The following CFAP300 variants were observed in gnomAD, a reference collection of about 807,000 sequenced individuals.
The protein encoded by CFAP300 is cilia- and flagella-associated protein 300.
Under a neutral mutation model 33.0 loss-of-function variants are expected in CFAP300, and 32 were observed. That is an observed-to-expected ratio of 0.97 (90% CI 0.73 to 1.30). The LOEUF is 1.30. CFAP300 is among the 50% of genes most tolerant of loss of function. The pLI is 0.00. For synonymous variants in CFAP300, 102 were observed against 106.8 expected (o/e 0.95, Z 0.28); for missense variants, 356 against 318.1 (o/e 1.12, Z -0.90).
At chr11:102,059,596 C>T (rs2135024377) in intron 3 of CFAP300, among the ~76,000 whole-genome samples, 2 of 152,114 alleles carry the variant, frequency 1.3e-5, no homozygotes, top group East Asian at 1.9e-4. Flanking sequence ...TTGCCGTGAG[C>T]TGAGATTGTG....
intron 6 of CFAP300, 37 bp downstream of exon 6, chr11:102,081,318 A>G: frequency 6.6e-7 from 1 of 1,513,640 alleles, no homozygotes; most frequent in South Asian, 1.1e-5. Context: ...AAAGAATTTA[A>G]TTACTTTTTA....
intron 4 of CFAP300, among the ~76,000 whole-genome samples, chr11:102,069,976 C>G (rs1003080571): frequency 1.3e-5 from 2 of 152,066 alleles, no homozygotes; most frequent in African/African-American, 4.8e-5. Context: ...CCTCCACCCC[C>G]CAAAAATTGC....
intron 3 of CFAP300, 56 bp downstream of exon 3, chr11:102,059,011 C>T: frequency 1.8e-6 from 2 of 1,083,954 alleles, no homozygotes; most frequent in Non-Finnish European, 2.6e-6. Context: ...GAAAATTTTG[C>T]CTCAGGAATT....
chr11:102,075,886 A>G lies in CFAP300; in HGVS notation c.449A>G (p.Glu150Gly). 1.9e-6 allele frequency: 3 copies of G among 1,610,358 alleles called. No individual in the cohort carries two copies. Among genetic ancestry groups the G allele is most frequent in the Non-Finnish European group, 2.5e-6 (3 of 1,178,732 alleles). The change falls in exon 5 of 7, where the codon GAA becomes GGA. Residue 150 changes from glutamate (E) to glycine (G), a missense_variant. By Grantham distance (98) the Glu-to-Gly change is moderately conservative (BLOSUM62 -2). Coordinates refer to ENST00000434758, the MANE Select transcript of CFAP300 (RefSeq NM_032930.3). ...TTATCGTCTTAGGTTTTGCTAGTGG[A>G]AGACTCAGAAAAATATGAAATATTC... The part of the protein sequence containing the change: ...SDELRRVLLV[E>G]DSEKYEIFSQ...
intron 4 of CFAP300, among the ~76,000 whole-genome samples, chr11:102,074,816 C>A (rs1942373144): frequency 6.6e-6 from 1 of 151,940 alleles, no homozygotes; most frequent in African/African-American, 2.4e-5. Context: ...AATCCTCCCA[C>A]CTCAACCTCC....
intron 2 of CFAP300, among the ~76,000 whole-genome samples, chr11:102,058,318 A>T (rs370449021): frequency 1.3e-5 from 2 of 151,866 alleles, no homozygotes; most frequent in East Asian, 3.9e-4. Flanking sequence ...CAGACTGACA[A>T]TATGCCGACA....
intron 3 of CFAP300, among the ~76,000 whole-genome samples, chr11:102,065,896 TA>T (rs1565393510): frequency 6.6e-6 from 1 of 152,168 alleles, no homozygotes; most frequent in African/African-American, 2.4e-5. Context: ...TACATTTTTT[TA>T]AAATGTATTT....
intron 2 of CFAP300, among the ~76,000 whole-genome samples, chr11:102,056,854 G>C (rs757753020): frequency 9.2e-5 from 14 of 151,664 alleles, no homozygotes; most frequent in Non-Finnish European, 1.5e-4. Context: ...TGAACTCCTG[G>C]CCTCAAGTGA....
chr11:102,055,138 G>A lies in CFAP300; in HGVS notation c.193-3742G>A, dbSNP rs146424400. 3.8e-3 allele frequency among the ~76,000 whole-genome samples: 580 copies of A among 151,278 alleles called. 3 individuals carry two copies. Among genetic ancestry groups the A allele is most frequent in the African/African-American group, 8.4e-3 (347 of 41,258 alleles). ...TGGGATTACAGGCACGTGCCACCAC[G>A]CCCAGCTAATTTTTGTATTTTTAGT... On this transcript the variant is annotated intron_variant, in intron 2 of 6. Coordinates refer to ENST00000434758, the MANE Select transcript of CFAP300 (RefSeq NM_032930.3).
At chr11:102,054,010 C>G (rs1195388414) in intron 2 of CFAP300, among the ~76,000 whole-genome samples, 1 of 152,150 alleles carries the variant, frequency 6.6e-6, no homozygotes, top group Non-Finnish European at 1.5e-5. Flanking sequence ...TTTAGGAGAG[C>G]CTGATTGCTA....
At chr11:102,082,533 G>A (rs879489846) in intron 6 of CFAP300, among the ~76,000 whole-genome samples, 6 of 152,094 alleles carry the variant, frequency 3.9e-5, no homozygotes, top group Non-Finnish European at 5.9e-5. Flanking sequence ...ATGCATGTAA[G>A]TATAGTACAT....
rs1017718661 is a variant in CFAP300 at position 102,073,510 on chromosome 11, G to A, written c.436-2363G>A. On this transcript the variant is annotated intron_variant, in intron 4 of 6. Transcript: ENST00000434758. ...AGGTCCTCCAGTGGTACATTCAGGC[G>A]GATCCTCTTGTGAGTTGGGCAGGGT... 1.1e-4 allele frequency among the ~76,000 whole-genome samples: 16 copies of A among 152,184 alleles called. No individual in the cohort carries two copies. The East Asian group carries it at 1.3e-3, about 13-fold the overall frequency.
Position 102,083,317 on chromosome 11 carries a change from C to G in CFAP300, c.*118C>G, listed in dbSNP as rs1942503563. On this transcript the variant is annotated 3_prime_UTR_variant, in exon 7 of 7. Coordinates refer to ENST00000434758, the MANE Select transcript of CFAP300 (RefSeq NM_032930.3). ...ATTCAAGAAAAATGTAAGGAGCCTA[C>G]TTAGAGCAGAAGAAAGCAAACACCA... 2.5e-6 allele frequency: 2 copies of G among 816,092 alleles called. No individual in the cohort carries two copies. The highest frequency in any genetic ancestry group is 1.0e-4 in the South Asian group (2 of 19,378). 50.6% of individuals were successfully genotyped at this position (816,092 alleles called of 1,614,324 possible). A position where few individuals can be genotyped will look rare whatever the true frequency, so the allele number is the denominator to read the frequency against.
At chr11:102,056,692 C>T (rs1942063582) in intron 2 of CFAP300, among the ~76,000 whole-genome samples, 1 of 152,058 alleles carries the variant, frequency 6.6e-6, no homozygotes, top group South Asian at 2.1e-4. Flanking sequence ...GACACAATCT[C>T]AGCTCACTAC....
chr11:102,048,205 G>A (rs1024048315), intron 2 of CFAP300, among the ~76,000 whole-genome samples: 4 of 151,986 alleles, frequency 2.6e-5, no homozygotes, highest in African/African-American at 9.7e-5. Flanking sequence ...GTTTATTTTT[G>A]TTTCATTTTA....
At chr11:102,062,651 A>G (rs1942164366) in intron 3 of CFAP300, among the ~76,000 whole-genome samples, 2 of 152,218 alleles carry the variant, frequency 1.3e-5, no homozygotes, top group Admixed American at 6.5e-5. Flanking sequence ...AAGAAGAGAG[A>G]TGAATTGCAG....
chr11:102,075,182 C>T (rs1942378252), intron 4 of CFAP300, among the ~76,000 whole-genome samples: 1 of 152,140 alleles, frequency 6.6e-6, no homozygotes, highest in Non-Finnish European at 1.5e-5. Flanking sequence ...ACATTGGTCA[C>T]CTTTTTATAC....
At chr11:102,061,664 C>A (rs943320858) in intron 3 of CFAP300, among the ~76,000 whole-genome samples, 3 of 152,164 alleles carry the variant, frequency 2.0e-5, no homozygotes, top group African/African-American at 4.8e-5. Flanking sequence ...TAGTCAGAGG[C>A]ATAAGCTAAG....
chr11:102,047,612 C>A (rs780150371), intron 1 of CFAP300, 32 bp downstream of exon 1: 2 of 1,525,354 alleles, frequency 1.3e-6, no homozygotes, highest in Non-Finnish European at 1.8e-6. Flanking sequence ...AGAGAAGAGG[C>A]CCTTGGTCTT....
Sources: allele counts gnomAD v4.1 joint callset (sites outside exome capture counted in the v4.1 genomes callset), GRCh38; gene constraint gnomAD v4.1.1; transcripts MANE v1.5; gene names NCBI Gene and HGNC (gene_info 2026-07-23, HGNC 2026-07-21).